Variants in ASNS observed in about 807,000 individuals in gnomAD.
ASNS encodes asparagine synthetase (glutamine-hydrolyzing), also known as asparagine synthetase [glutamine-hydrolyzing].
A neutral mutation model predicts 62.6 loss-of-function variants in ASNS; 37 were observed. That is an observed-to-expected ratio of 0.59 (90% confidence interval 0.45 to 0.78). The LOEUF is 0.78. Among genes scored for constraint, ASNS ranks in the 30% least tolerant of loss-of-function variants. The probability of loss-of-function intolerance (pLI) is 0.00; values close to 1 mark genes in which losing one functional copy is unlikely to be tolerated. For synonymous variants in ASNS, 207 were observed against 237.9 expected (o/e 0.87, Z 1.19); for missense variants, 520 against 682.4 (o/e 0.76, Z 2.65).
chr7:97,921,836 G>A, the ASNS span, among the ~76,000 whole-genome samples: 46 of 152,220 alleles, frequency 3.0e-4, no homozygotes, highest in African/African-American at 8.2e-4. Flanking sequence ...GGTGGGTGCC[G>A]GAGCATCTAG....
the ASNS span, among the ~76,000 whole-genome samples, chr7:97,894,765 G>C: frequency 6.6e-6 from 1 of 152,044 alleles, no homozygotes; most frequent in African/African-American, 2.4e-5. Context: ...CCTAGACTAG[G>C]CTTTTATGCT....
At chr7:97,862,316 A>G (rs571417153) in intron 4 of ASNS, among the ~76,000 whole-genome samples, 3 of 152,316 alleles carry the variant, frequency 2.0e-5, no homozygotes, top group East Asian at 3.9e-4. Context: ...ACACAGAAGA[A>G]CTATAAATGT....
chr7:97,927,054 CA>C, the ASNS span, among the ~76,000 whole-genome samples: 2 of 145,632 alleles, frequency 1.4e-5, no homozygotes, highest in Admixed American at 1.4e-4. Flanking sequence ...ACTACAGGCA[CA>C]CACCACCACA....
chr7:97,925,440 C>A, the ASNS span, among the ~76,000 whole-genome samples: 1 of 152,048 alleles, frequency 6.6e-6, no homozygotes, highest in East Asian at 1.9e-4. Flanking sequence ...CATTTGAAAC[C>A]ATCTGGAGAC....
the ASNS span, among the ~76,000 whole-genome samples, chr7:97,900,359 T>TAAA: frequency 3.7e-3 from 217 of 58,292 alleles, 4 homozygotes; most frequent in African/African-American, 0.013. Context: ...AGACTTTGTC[T>TAAA]CAAAAAAAAA....
chr7:97,928,305 C>G, the ASNS span: 1 of 1,456,340 alleles, frequency 6.9e-7, no homozygotes, highest in South Asian at 1.2e-5. Flanking sequence ...GGCCATGGCT[C>G]CGGGGGCTCT....
chr7:97,886,405 C>T, the ASNS span, among the ~76,000 whole-genome samples: 13 of 152,086 alleles, frequency 8.5e-5, no homozygotes, highest in African/African-American at 2.7e-4. Flanking sequence ...CCTCAGCCTC[C>T]GAAAGTGCTG....
At chr7:97,926,539 A>G in the ASNS span, among the ~76,000 whole-genome samples, 1 of 152,170 alleles carries the variant, frequency 6.6e-6, no homozygotes, top group Non-Finnish European at 1.5e-5. Flanking sequence ...TTCTTCAAAG[A>G]GAGTATTCCC....
At chr7:97,901,612 A>T in the ASNS span, among the ~76,000 whole-genome samples, 2 of 152,230 alleles carry the variant, frequency 1.3e-5, no homozygotes, top group African/African-American at 4.8e-5. Context: ...AGATTCCAGA[A>T]ATTGTGCATA....
chr7:97,861,562 A>G (rs1369823251), intron 4 of ASNS, among the ~76,000 whole-genome samples: 1 of 152,100 alleles, frequency 6.6e-6, no homozygotes, highest in Non-Finnish European at 1.5e-5. Flanking sequence ...CCTTATTACC[A>G]TTGTCTTGTA....
chr7:97,874,495 G>A (rs10234646), upstream of ASNS, among the ~76,000 whole-genome samples: 47,436 of 152,134 alleles, frequency 0.31, 7,563 homozygotes, highest in East Asian at 0.44. Context: ...ATTGATTAGG[G>A]AAGTGATAAG....
chr7:97,896,709 TATAC>T, the ASNS span, among the ~76,000 whole-genome samples: 48 of 36,662 alleles, frequency 1.3e-3, no homozygotes, highest in East Asian at 0.01. Flanking sequence ...TGTGTATATA[TATAC>T]ACACACACAC....
At chr7:97,853,476 C>G in intron 10 of ASNS, 90 bp from the exon 11 acceptor site, 1 of 1,114,764 alleles carries the variant, frequency 9.0e-7, no homozygotes, top group Non-Finnish European at 1.3e-6. Context: ...TCAATTCAAC[C>G]AGATCTTAAG....
intron 3 of ASNS, among the ~76,000 whole-genome samples, chr7:97,866,095 T>C (rs554987177): frequency 6.6e-6 from 1 of 152,340 alleles, no homozygotes; most frequent in Admixed American, 6.5e-5. Flanking sequence ...GATAATAGGT[T>C]GCCTGGTTGC....
rs367894312 is a variant in ASNS, at chr7:97,852,212, T to C, written c.*47A>G. On this transcript the variant is annotated 3_prime_UTR_variant, in exon 13 of 13. Transcript: ENST00000394308. ...TTCCCCTATCTACCCACAGTCCCCA[T>C]CCAACACGAAGAAATATTTGCTTTC... 2.2e-5 allele frequency: 35 copies of C among 1,596,384 alleles called. No homozygotes were observed. The highest frequency in any genetic ancestry group is 2.8e-5 in the Non-Finnish European group (33 of 1,168,812).
the ASNS span, among the ~76,000 whole-genome samples, chr7:97,893,123 G>C: frequency 6.6e-6 from 1 of 152,240 alleles, no homozygotes; most frequent in African/African-American, 2.4e-5. Context: ...ACATCTTACA[G>C]GGATGGCAGC....
the ASNS span, among the ~76,000 whole-genome samples, chr7:97,896,741 C>CACACACATATATATATATAT: frequency 3.0e-4 from 6 of 19,782 alleles, no homozygotes; most frequent in South Asian, 3.8e-3. Flanking sequence ...CACACACACA[C>CACACACATATATATATATAT]ATATATATAT....
the ASNS span, among the ~76,000 whole-genome samples, chr7:97,891,983 C>T: frequency 6.6e-6 from 1 of 152,254 alleles, no homozygotes; most frequent in African/African-American, 2.4e-5. Flanking sequence ...GCTCCGACCC[C>T]ACATTTCCCT....
the ASNS span, among the ~76,000 whole-genome samples, chr7:97,896,208 T>C: frequency 6.6e-6 from 1 of 151,902 alleles, no homozygotes; most frequent in Non-Finnish European, 1.5e-5. Flanking sequence ...CTGAAATTCA[T>C]ATGGAACCAC....
Sources: gnomAD v4.1 joint callset for allele counts (sites outside exome capture counted in the v4.1 genomes callset) on GRCh38, gnomAD v4.1.1 for gene constraint, MANE v1.5 for transcripts, NCBI Gene and HGNC (gene_info 2026-07-23, HGNC 2026-07-21) for gene names.